Variants in CNOT6L observed in about 807,000 individuals in gnomAD.
CNOT6L encodes the protein CCR4-NOT transcription complex subunit 6-like.
CNOT6L carries 7 observed loss-of-function variants against 64.0 expected under a neutral mutation model. The observed-to-expected ratio is 0.11, with a 90% CI of 0.06 to 0.21. The LOEUF is 0.21. Among genes scored for constraint, CNOT6L ranks in the 10% least tolerant of loss-of-function variants. The pLI, the probability that CNOT6L is intolerant of heterozygous loss-of-function variation, is 1.00. For synonymous variants in CNOT6L, 193 were observed against 243.4 expected, an observed-to-expected ratio of 0.79 and a Z score of 1.93; for missense variants, 245 against 669.0, an observed-to-expected ratio of 0.37 and a Z score of 6.99.
intron 4 of CNOT6L, among the ~76,000 whole-genome samples, chr4:77,771,522 T>C (rs1226982686): frequency 6.6e-6 from 1 of 152,190 alleles, no homozygotes; most frequent in Non-Finnish European, 1.5e-5. Flanking sequence ...CAATTTCAAA[T>C]GCCTTGGGTT....
intron 1 of CNOT6L, among the ~76,000 whole-genome samples, chr4:77,797,379 C>T (rs1352894954): frequency 6.6e-6 from 1 of 152,092 alleles, no homozygotes; most frequent in African/African-American, 2.4e-5. Context: ...AAATTGTGTG[C>T]CAGTCTGAGT....
rs771483538 is a variant in CNOT6L at position 77,728,809 on chromosome 4, G to A, written c.1252+45C>T. 3 of 1,518,444 alleles carry A rather than the reference G, an allele frequency of 2.0e-6. No individual in the cohort carries two copies. The South Asian group carries it at 3.4e-5, about 17-fold the overall frequency. 94.1% of individuals were successfully genotyped at this position (1,518,444 alleles called of 1,614,324 possible). A position where few individuals can be genotyped will look rare whatever the true frequency, so the allele number is the denominator to read the frequency against. On this transcript the variant is annotated intron_variant, in intron 10 of 11. Transcript: ENST00000504123. ...GAGCTAGCTGGCCTTTGAACCAAGAGTAAAAGTGAAATTGAAAGCAGTGAG... is the reference window on the plus strand; with the variant it reads ...GAGCTAGCTGGCCTTTGAACCAAGAATAAAAGTGAAATTGAAAGCAGTGAG...
At chr4:77,765,559 C>T (rs1020974150) in intron 4 of CNOT6L, among the ~76,000 whole-genome samples, 46 of 152,132 alleles carry the variant, frequency 3.0e-4, no homozygotes, top group African/African-American at 1.1e-3. Flanking sequence ...AGAATTTTCC[C>T]CACTGCTTCT....
At chr4:77,779,780 T>C (rs1438475195) in intron 1 of CNOT6L, among the ~76,000 whole-genome samples, 7 of 152,016 alleles carry the variant, frequency 4.6e-5, no homozygotes, top group Non-Finnish European at 1.0e-4. Context: ...GCTAACATGG[T>C]GAAACCCCGT....
intron 1 of CNOT6L, among the ~76,000 whole-genome samples, chr4:77,800,913 A>G (rs2110142014): frequency 6.6e-6 from 1 of 152,348 alleles, no homozygotes; most frequent in East Asian, 1.9e-4. Flanking sequence ...CACTGATCCA[A>G]AACAACTAGC....
chr4:77,766,127 C>A (rs1021091871), intron 4 of CNOT6L, among the ~76,000 whole-genome samples: 2 of 151,918 alleles, frequency 1.3e-5, no homozygotes, highest in African/African-American at 4.8e-5. Flanking sequence ...CAAATTAAAT[C>A]CAAAGTATGT....
At chr4:77,782,265 T>C (rs559327422) in intron 1 of CNOT6L, among the ~76,000 whole-genome samples, 19 of 152,326 alleles carry the variant, frequency 1.2e-4, no homozygotes, top group African/African-American at 4.1e-4. Context: ...GTGTTTATCT[T>C]GCTTAACAAA....
At chr4:77,725,959 ACAAG>A (rs2109869485) in intron 11 of CNOT6L, among the ~76,000 whole-genome samples, 1 of 141,662 alleles carries the variant, frequency 7.1e-6, no homozygotes, top group African/African-American at 2.4e-5. Flanking sequence ...TGAAATCTAA[ACAAG>A]CAAGAGAGCA....
At chr4:77,726,127 CTGAAA>C in intron 11 of CNOT6L, 35 bp downstream of exon 11, 1 of 1,544,594 alleles carries the variant, frequency 6.5e-7, no homozygotes, top group Non-Finnish European at 9.0e-7. Flanking sequence ...ATGCTTGTAT[CTGAAA>C]TAATTTCTAC....
At chr4:77,744,059 T>C (rs1310930208) in intron 7 of CNOT6L, among the ~76,000 whole-genome samples, 1 of 152,206 alleles carries the variant, frequency 6.6e-6, no homozygotes. Context: ...CAATTAAAAA[T>C]TTTTAAACCT....
rs1720424343 is a variant in CNOT6L at position 77,713,648 on chromosome 4, C to G, written c.*6783G>C. On this transcript the variant is annotated 3_prime_UTR_variant, in exon 12 of 12. Coordinates refer to ENST00000504123, the MANE Select transcript of CNOT6L (RefSeq NM_144571.3). The stretch of plus-strand genomic sequence containing the variant: ...CAATGTTCACATTAATGAAAAAATA[C>G]TACCAACCGTGTCCTTTTGCACGCA... 1 of 152,570 alleles carries G rather than the reference C, an allele frequency of 6.6e-6. No homozygotes were observed. Among genetic ancestry groups the G allele is most frequent in the African/African-American group, 2.4e-5 (1 of 41,422 alleles). The allele number at this position is 152,570 out of a possible 1,614,324, so 9.5% of individuals were successfully genotyped here.
chr4:77,800,348 T>A (rs7698009), intron 1 of CNOT6L, among the ~76,000 whole-genome samples: 78,673 of 150,540 alleles, frequency 0.52, 20,875 homozygotes, highest in Non-Finnish European at 0.57. Context: ...CCAAAAAAAA[T>A]TTTTTTTTTT....
intron 8 of CNOT6L, among the ~76,000 whole-genome samples, chr4:77,736,662 T>C (rs764547101): frequency 3.3e-5 from 5 of 152,206 alleles, no homozygotes; most frequent in Non-Finnish European, 7.4e-5. Context: ...CCAATCATTG[T>C]TCCAAGCCAT....
intron 1 of CNOT6L, among the ~76,000 whole-genome samples, chr4:77,795,556 T>C (rs182834309): frequency 3.7e-4 from 57 of 152,160 alleles, no homozygotes; most frequent in South Asian, 1.9e-3. Context: ...ATTTGAAAAG[T>C]GTGTGGCACT....
intron 1 of CNOT6L, among the ~76,000 whole-genome samples, chr4:77,808,665 G>GGAGATATA (rs1732532221): frequency 6.6e-6 from 1 of 152,070 alleles, no homozygotes. Context: ...AGATATAATG[G>GGAGATATA]AAGTTGTAGA....
chr4:77,808,754 A>G (rs1732551086), intron 1 of CNOT6L, among the ~76,000 whole-genome samples: 1 of 152,146 alleles, frequency 6.6e-6, no homozygotes, highest in South Asian at 2.1e-4. Context: ...AGCAACATCT[A>G]TCTCCTCTCT....
intron 4 of CNOT6L, among the ~76,000 whole-genome samples, chr4:77,772,656 C>T (rs1727694815): frequency 6.6e-6 from 1 of 152,168 alleles, no homozygotes; most frequent in East Asian, 1.9e-4. Context: ...GGCACGGTGG[C>T]TCACATCTGT....
rs1362473562 is a variant in CNOT6L, at chr4:77,716,783, C to T, written c.*3648G>A. On this transcript the variant is annotated 3_prime_UTR_variant, in exon 12 of 12. Coordinates refer to ENST00000504123, the MANE Select transcript of CNOT6L (RefSeq NM_144571.3). The stretch of plus-strand genomic sequence containing the variant: ...AGCTTTTATATTTTTGCCAACTACA[C>T]TAAAACACAGTGGCTTCTTTAATAC... The T allele has an allele frequency of 6.6e-6, 1 of 152,486 alleles. No homozygotes were observed. The highest frequency in any genetic ancestry group is 1.5e-5 in the Non-Finnish European group (1 of 67,992). 9.4% of individuals were successfully genotyped at this position (152,486 alleles called of 1,614,324 possible). A position where few individuals can be genotyped will look rare whatever the true frequency, so the allele number is the denominator to read the frequency against.
intron 7 of CNOT6L, 100 bp downstream of exon 7, chr4:77,744,618 G>T: frequency 2.0e-6 from 2 of 977,964 alleles, no homozygotes; most frequent in Non-Finnish European, 2.8e-6. Context: ...TTCTTTTTGA[G>T]CTTTGGCTCT....
Sources: allele counts gnomAD v4.1 joint callset (sites outside exome capture counted in the v4.1 genomes callset), GRCh38; gene constraint gnomAD v4.1.1; transcripts MANE v1.5; gene names NCBI Gene and HGNC (gene_info 2026-07-23, HGNC 2026-07-21).